Variants in PDXDC1 observed in about 807,000 individuals in gnomAD.
PDXDC1 encodes the protein pyridoxal dependent decarboxylase domain containing 1.
A neutral mutation model predicts 100.1 loss-of-function variants in PDXDC1; 42 were observed. The observed-to-expected ratio is 0.42, with a 90% CI of 0.33 to 0.54. The LOEUF (loss-of-function observed/expected upper bound fraction) is 0.54. Among genes scored for constraint, PDXDC1 ranks in the 20% least tolerant of loss-of-function variants. PDXDC1 has a pLI of 0.10. For synonymous variants in PDXDC1, 260 were observed against 371.7 expected (o/e 0.70, Z 3.46); for missense variants, 636 against 979.2 (o/e 0.65, Z 4.68).
chr16:15,060,244 A>G, intron 16 of PDXDC1: 1 of 338,588 alleles, frequency 3.0e-6, no homozygotes, highest in South Asian at 2.4e-5. Context: ...GTTTTATCTA[A>G]TATTAAAAAA....
rs1973752800 is a variant in PDXDC1, at chr16:15,004,062, T to C, written c.243-125T>C. 5 of 912,952 alleles carry C rather than the reference T, an allele frequency of 5.5e-6. No individual in the cohort carries two copies. In the East Asian group the frequency reaches 1.3e-4, roughly 23 times the overall value. The allele number at this position is 912,952 out of a possible 1,614,324, so 56.6% of individuals were successfully genotyped here. On this transcript the variant is annotated intron_variant, in intron 4 of 22. Transcript: ENST00000396410. ...CCAAACTATCACTACTGTTTATGCA[T>C]TGATTTGCCTTCTGGGCCATTAAGT...
intron 16 of PDXDC1, chr16:15,076,449 G>C (rs1202270725): frequency 3.7e-6 from 3 of 813,582 alleles, no homozygotes; most frequent in Non-Finnish European, 2.2e-6. Context: ...CAAGTTTGCT[G>C]AACTATTTTA....
At chr16:15,065,835 C>A (rs904800974) in intron 16 of PDXDC1, among the ~76,000 whole-genome samples, 12 of 152,060 alleles carry the variant, frequency 7.9e-5, no homozygotes, top group African/African-American at 2.4e-5. Flanking sequence ...TGAAGAAGCA[C>A]TGAAAAAGAA....
intron 16 of PDXDC1, among the ~76,000 whole-genome samples, chr16:15,077,661 G>A (rs1269378289): frequency 2.0e-5 from 3 of 152,158 alleles, no homozygotes; most frequent in Non-Finnish European, 4.4e-5. Flanking sequence ...CTAACACGGT[G>A]AAACCCCATC....
rs528993068 is a variant in PDXDC1, at chr16:15,018,049, A to G, written c.963+627A>G. The stretch of plus-strand genomic sequence containing the variant: ...GTGATCTGCCTGCCTCGGCCTCCCA[A>G]AGTGCTGGGATTACAGGCATGAGCC... On this transcript the variant is annotated intron_variant, in intron 11 of 22. Transcript: ENST00000396410. Among the ~76,000 whole-genome samples, 11 of 152,088 alleles carry G rather than the reference A, an allele frequency of 7.2e-5. No individual in the cohort carries two copies. In the South Asian group the frequency reaches 2.3e-3, roughly 32 times the overall value.
In PDXDC1 at chr16:15,135,604, G is replaced by A. The variant is rs532472084; in HGVS notation, c.1400-3275G>A. ...CTGGGTGTTCTCTGGGCTCATGGGT[G>A]TGGACGGGTGAGGGGCATGGAGGAC... On this transcript the variant is annotated intron_variant, in intron 16 of 16. Coordinates refer to the PDXDC1 transcript ENST00000535621. The A allele has an allele frequency of 5.2e-4, 765 of 1,462,178 alleles. 11 individuals are homozygous for A. The South Asian group carries it at 8.8e-3, about 17-fold the overall frequency. The allele number at this position is 1,462,178 out of a possible 1,614,324, so 90.6% of individuals were successfully genotyped here. A position where few individuals can be genotyped will look rare whatever the true frequency, so the allele number is the denominator to read the frequency against.
At chr16:15,148,102 C>T in the PDXDC1 span, among the ~76,000 whole-genome samples, 1 of 151,820 alleles carries the variant, frequency 6.6e-6, no homozygotes, top group South Asian at 2.1e-4. Flanking sequence ...AATCCTCCCC[C>T]CTCAGCCTCC....
chr16:15,060,368 A>G (rs1247223271), intron 16 of PDXDC1: 1 of 197,632 alleles, frequency 5.1e-6, no homozygotes, highest in Non-Finnish European at 1.1e-5. Flanking sequence ...AAAAATTTCT[A>G]TTTTCCAAAA....
At chr16:15,019,980 C>T (rs1211061719) in intron 12 of PDXDC1, among the ~76,000 whole-genome samples, 1 of 152,186 alleles carries the variant, frequency 6.6e-6, no homozygotes, top group African/African-American at 2.4e-5. Context: ...GGCGTGGTGG[C>T]GGGCGCCTGT....
intron 16 of PDXDC1, among the ~76,000 whole-genome samples, chr16:15,046,557 A>G (rs2044072034): frequency 6.6e-6 from 1 of 152,134 alleles, no homozygotes. Context: ...CACCCAGGCT[A>G]GAGGCCGCTT....
intron 1 of PDXDC1, 124 bp downstream of exon 1, chr16:14,975,344 C>T: frequency 7.5e-7 from 1 of 1,338,812 alleles, no homozygotes; most frequent in Non-Finnish European, 9.5e-7. Flanking sequence ...CTGACAGGCC[C>T]TGCCTGAGGA....
At chr16:15,078,508 C>T (rs1364666291) in intron 16 of PDXDC1, among the ~76,000 whole-genome samples, 1 of 152,124 alleles carries the variant, frequency 6.6e-6, no homozygotes, top group Non-Finnish European at 1.5e-5. Context: ...TACCTTCTAA[C>T]CACTAAATCC....
intron 16 of PDXDC1, among the ~76,000 whole-genome samples, chr16:15,049,436 T>A (rs1173978920): frequency 1.3e-5 from 2 of 150,108 alleles, no homozygotes; most frequent in African/African-American, 2.4e-5. Context: ...TTTATCTTAT[T>A]TTTTTTTTTT....
chr16:15,028,116 C>T (rs1297881594), intron 14 of PDXDC1, among the ~76,000 whole-genome samples: 4 of 152,286 alleles, frequency 2.6e-5, no homozygotes, highest in Admixed American at 2.6e-4. Flanking sequence ...ACACTCTGCC[C>T]CGAATTCGCT....
chr16:15,011,631 C>CTTTTTTTTTTTTTTTTTTTTTT, intron 8 of PDXDC1, among the ~76,000 whole-genome samples: 11 of 131,268 alleles, frequency 8.4e-5, no homozygotes, highest in South Asian at 4.7e-4. Flanking sequence ...ACATTTTTTT[C>CTTTTTTTTTTTTTTTTTTTTTT]TTTTTTTTTT....
At chr16:15,089,571 C>G (rs777436076) in intron 16 of PDXDC1, among the ~76,000 whole-genome samples, 1 of 152,056 alleles carries the variant, frequency 6.6e-6, no homozygotes, top group East Asian at 1.9e-4. Context: ...GAGGCCAAGG[C>G]GGGCGGATCA....
At chr16:15,023,060 AGCTGCCCAAG>A (rs2042325730) in intron 13 of PDXDC1, among the ~76,000 whole-genome samples, 2 of 152,288 alleles carry the variant, frequency 1.3e-5, no homozygotes, top group Non-Finnish European at 2.9e-5. Context: ...CATTGACTTC[AGCTGCCCAAG>A]GCCTTGGGCA....
intron 1 of PDXDC1, chr16:14,988,319 G>T: frequency 1.2e-6 from 2 of 1,601,388 alleles, no homozygotes; most frequent in Non-Finnish European, 1.7e-6. Flanking sequence ...CACAGTACTC[G>T]TTGTAGATGA....
intron 16 of PDXDC1, among the ~76,000 whole-genome samples, chr16:15,078,368 C>T (rs1215988090): frequency 6.6e-6 from 1 of 152,074 alleles, no homozygotes; most frequent in Admixed American, 6.6e-5. Context: ...TGCTCCATCC[C>T]CTCCTTCCAC....
Sources: allele counts gnomAD v4.1 joint callset (sites outside exome capture counted in the v4.1 genomes callset), GRCh38; gene constraint gnomAD v4.1.1; transcripts MANE v1.5; gene names NCBI Gene and HGNC (gene_info 2026-07-23, HGNC 2026-07-21).